The following DOCK2 variants were observed in gnomAD, a reference collection of about 807,000 sequenced individuals.
DOCK2 encodes dedicator of cytokinesis protein 2.
A neutral mutation model predicts 248.9 loss-of-function variants in DOCK2; 87 were observed. The ratio of observed to expected loss-of-function variants is 0.35; its 90% confidence interval spans 0.29 to 0.42. The LOEUF is 0.42. DOCK2 is among the 10% of genes least tolerant of loss of function. DOCK2 has a pLI of 1.00. For missense variants in DOCK2, 1,747 were observed against 2,300.2 expected, an observed-to-expected ratio of 0.76 and a Z score of 4.92; for synonymous variants, 805 against 821.6, an observed-to-expected ratio of 0.98 and a Z score of 0.35.
At chr5:169,877,892 A>G (rs1290500196) in intron 27 of DOCK2, among the ~76,000 whole-genome samples, 1 of 152,172 alleles carries the variant, frequency 6.6e-6, no homozygotes, top group African/African-American at 2.4e-5. Context: ...CGAAAACCGT[A>G]AGGTTGCAAC....
At chr5:169,790,339 G>C (rs1390754192) in intron 25 of DOCK2, among the ~76,000 whole-genome samples, 1 of 152,142 alleles carries the variant, frequency 6.6e-6, no homozygotes, top group Non-Finnish European at 1.5e-5. Context: ...TGTGGCTTGA[G>C]GATTGTCAGT....
chr5:169,843,622 A>C (rs992508355), intron 27 of DOCK2, among the ~76,000 whole-genome samples: 1 of 152,242 alleles, frequency 6.6e-6, no homozygotes, highest in Non-Finnish European at 1.5e-5. Context: ...GACGAGTTTT[A>C]GAAAATTTAT....
intron 22 of DOCK2, among the ~76,000 whole-genome samples, chr5:169,736,217 G>A (rs925682634): frequency 2.0e-5 from 3 of 152,092 alleles, no homozygotes; most frequent in African/African-American, 7.2e-5. Context: ...CATGATTTTT[G>A]AGTTTTTATT....
intron 1 of DOCK2, among the ~76,000 whole-genome samples, chr5:169,644,300 G>A (rs1757326514): frequency 6.6e-6 from 1 of 152,154 alleles, no homozygotes; most frequent in South Asian, 2.1e-4. Flanking sequence ...TGTGGAAGGA[G>A]AGGGACCAGT....
intron 27 of DOCK2, among the ~76,000 whole-genome samples, chr5:169,941,625 G>T (rs1485846369): frequency 6.6e-6 from 1 of 152,210 alleles, no homozygotes; most frequent in Non-Finnish European, 1.5e-5. Context: ...ATCTGGACTT[G>T]ATTAAACTAA....
At chr5:170,036,663 G>A (rs1756333825) in intron 36 of DOCK2, 108 bp downstream of exon 36, 1 of 1,024,534 alleles carries the variant, frequency 9.8e-7, no homozygotes, top group African/African-American at 1.6e-5. Context: ...TTCTCTTCTT[G>A]ACATTCAGGC....
chr5:169,646,259 G>A (rs1757457144), intron 1 of DOCK2, among the ~76,000 whole-genome samples: 1 of 152,128 alleles, frequency 6.6e-6, no homozygotes, highest in Non-Finnish European at 1.5e-5. Flanking sequence ...GTAGATGCGT[G>A]GTGTTATTTC....
chr5:170,002,032 A>C (rs1181572267), intron 30 of DOCK2, among the ~76,000 whole-genome samples: 2 of 152,164 alleles, frequency 1.3e-5, no homozygotes, highest in Non-Finnish European at 2.9e-5. Flanking sequence ...GTCCATGATA[A>C]TGGAACTGGT....
At chr5:169,994,014 C>G (rs940480196) in intron 29 of DOCK2, among the ~76,000 whole-genome samples, 2 of 152,144 alleles carry the variant, frequency 1.3e-5, no homozygotes, top group Middle Eastern at 3.2e-3. Context: ...TTTTTCCCCC[C>G]ACTCTGAGCA....
At chr5:170,008,223 AAC>A (rs1187197380) in intron 30 of DOCK2, among the ~76,000 whole-genome samples, 3,816 of 47,268 alleles carry the variant, frequency 0.081, 171 homozygotes, top group African/African-American at 0.26. Flanking sequence ...CAACAACAAC[AAC>A]AAAAAAAAAA....
chr5:169,899,691 G>A (rs1333943915), intron 27 of DOCK2, among the ~76,000 whole-genome samples: 1 of 152,162 alleles, frequency 6.6e-6, no homozygotes, highest in Non-Finnish European at 1.5e-5. Context: ...TTGGGAGATG[G>A]TATTGCCATC....
chr5:169,880,373 G>A (rs1289647663), intron 27 of DOCK2, among the ~76,000 whole-genome samples: 2 of 152,242 alleles, frequency 1.3e-5, no homozygotes. Context: ...CAGAGAGAAT[G>A]AGAAGTTTTA....
At chr5:169,881,383 G>A (rs1007385681) in intron 27 of DOCK2, 1 of 1,551,456 alleles carries the variant, frequency 6.4e-7, no homozygotes, top group Non-Finnish European at 8.7e-7. Flanking sequence ...TATGATGCAC[G>A]CCGTGTTCTG....
At chr5:169,998,076 C>A (rs2113799924) in intron 30 of DOCK2, 1 of 455,956 alleles carries the variant, frequency 2.2e-6, no homozygotes, top group East Asian at 6.9e-5. Context: ...AGAGGCCTCC[C>A]CTCCTGACTC....
intron 27 of DOCK2, among the ~76,000 whole-genome samples, chr5:169,872,505 TCTC>T (rs1772044537): frequency 6.6e-6 from 1 of 152,200 alleles, no homozygotes; most frequent in Non-Finnish European, 1.5e-5. Context: ...GTCTACCCCT[TCTC>T]CTAGGGCATC....
In DOCK2 at chr5:170,074,973, A is replaced by G. The variant is rs371705232; in HGVS notation, c.4729-974A>G. Among the ~76,000 whole-genome samples, 129 of 152,212 alleles carry G rather than the reference A, an allele frequency of 8.5e-4. 3 individuals are homozygous for G. In the South Asian group the frequency reaches 0.026, roughly 31 times the overall value. ...CCTCCTCTGCTCTGGAAGCTCTGGA[A>G]GGTCAGTTATGTCCTCCCACCTCCT... On this transcript the variant is annotated intron_variant, in intron 46 of 51. Transcript: ENST00000520908.
chr5:170,012,589 A>G (rs1175686988), intron 32 of DOCK2, among the ~76,000 whole-genome samples: 1 of 152,142 alleles, frequency 6.6e-6, no homozygotes, highest in African/African-American at 2.4e-5. Context: ...GTGTGTGGAG[A>G]GGAGGTATGG....
intron 2 of DOCK2, among the ~76,000 whole-genome samples, chr5:169,660,419 G>A (rs182905338): frequency 2.0e-5 from 3 of 152,234 alleles, no homozygotes; most frequent in Admixed American, 1.3e-4. Context: ...AAAAAATAGC[G>A]CATTGCTTTT....
chr5:169,906,464 A>T (rs1226865053), intron 27 of DOCK2, among the ~76,000 whole-genome samples: 1 of 152,056 alleles, frequency 6.6e-6, no homozygotes, highest in Non-Finnish European at 1.5e-5. Context: ...TTAGATTTTT[A>T]AAATTTATTT....
Sources: allele counts gnomAD v4.1 joint callset (sites outside exome capture counted in the v4.1 genomes callset), GRCh38; gene constraint gnomAD v4.1.1; transcripts MANE v1.5; gene names NCBI Gene and HGNC (gene_info 2026-07-23, HGNC 2026-07-21).